The following DDAH1 variants were observed in gnomAD, a reference collection of about 807,000 sequenced individuals.
The protein encoded by DDAH1 is dimethylarginine dimethylaminohydrolase 1, also known as N(G),N(G)-dimethylarginine dimethylaminohydrolase 1.
In DDAH1, 19 loss-of-function variants were observed where a neutral mutation model predicts 28.8. The ratio of observed to expected loss-of-function variants is 0.66; its 90% CI spans 0.46 to 0.97. The LOEUF is 0.97. DDAH1 is among the 50% of genes least tolerant of loss of function. The pLI, the probability that DDAH1 is intolerant of heterozygous loss-of-function variation, is 0.00. For missense variants in DDAH1, 326 were observed against 375.9 expected, an observed-to-expected ratio of 0.87 and a Z score of 1.10; for synonymous variants, 153 against 154.4, an observed-to-expected ratio of 0.99 and a Z score of 0.07.
chr1:85,511,810 A>G (rs904216160), intron 1 of DDAH1, among the ~76,000 whole-genome samples: 2 of 152,228 alleles, frequency 1.3e-5, no homozygotes, highest in African/African-American at 4.8e-5. Context: ...AAGAAGTTGA[A>G]TCTCTGAATA....
At chr1:85,553,433 A>G (rs1658859749) in intron 1 of DDAH1, among the ~76,000 whole-genome samples, 1 of 152,238 alleles carries the variant, frequency 6.6e-6, no homozygotes, top group Non-Finnish European at 1.5e-5. Context: ...TTCAAGATTA[A>G]AACTTTTGGG....
chr1:85,545,240 G>A (rs1459262396), intron 1 of DDAH1, among the ~76,000 whole-genome samples: 1 of 152,130 alleles, frequency 6.6e-6, no homozygotes, highest in Non-Finnish European at 1.5e-5. Flanking sequence ...TCAAAGCACA[G>A]AGGGAGAAGC....
intron 4 of DDAH1, among the ~76,000 whole-genome samples, chr1:85,345,969 A>G (rs4949898): frequency 0.12 from 18,988 of 152,242 alleles, 1,531 homozygotes; most frequent in South Asian, 0.29. Context: ...TAAATATACA[A>G]TGCACACACT....
chr1:85,423,997 G>T (rs1287159401), intron 1 of DDAH1, among the ~76,000 whole-genome samples: 1 of 152,030 alleles, frequency 6.6e-6, no homozygotes, highest in Non-Finnish European at 1.5e-5. Flanking sequence ...TTCTTCTTTA[G>T]CCTGTTGATG....
intron 1 of DDAH1, among the ~76,000 whole-genome samples, chr1:85,531,082 G>A (rs1213361578): frequency 4.1e-5 from 6 of 146,248 alleles, no homozygotes; most frequent in Non-Finnish European, 9.0e-5. Flanking sequence ...AATAAAGAAA[G>A]TCATTTAATG....
intron 1 of DDAH1, 33 bp from the exon 2 acceptor site, chr1:85,358,880 C>T (rs1193098002): frequency 6.8e-7 from 1 of 1,475,330 alleles, no homozygotes; most frequent in South Asian, 1.2e-5. Context: ...GATTACTATG[C>T]TACAATTTCC....
intron 2 of DDAH1, among the ~76,000 whole-genome samples, chr1:85,487,836 T>C (rs2100724430): frequency 6.6e-6 from 1 of 152,222 alleles, no homozygotes; most frequent in East Asian, 1.9e-4. Flanking sequence ...CCCATTGCAG[T>C]ACACATTGGC....
chr1:85,329,739 G>A (rs558739489), intron 4 of DDAH1, among the ~76,000 whole-genome samples: 3 of 152,218 alleles, frequency 2.0e-5, no homozygotes, highest in South Asian at 2.1e-4. Flanking sequence ...AAGACTCCAC[G>A]GTTATCATTT....
intron 1 of DDAH1, among the ~76,000 whole-genome samples, chr1:85,378,965 T>TA (rs991574261): frequency 6.6e-6 from 1 of 152,168 alleles, no homozygotes; most frequent in African/African-American, 2.4e-5. Context: ...TTTTTACCTT[T>TA]ACCATTTCTA....
intron 1 of DDAH1, among the ~76,000 whole-genome samples, chr1:85,528,059 T>C (rs1269425755): frequency 2.6e-5 from 4 of 151,962 alleles, no homozygotes; most frequent in Non-Finnish European, 4.4e-5. Context: ...GTTATTTACA[T>C]TTTACCTTTA....
chr1:85,496,921 CG>C (rs1210349818), intron 1 of DDAH1, among the ~76,000 whole-genome samples: 1 of 152,098 alleles, frequency 6.6e-6, no homozygotes, highest in Admixed American at 6.6e-5. Context: ...TAATATAACA[CG>C]TACTATCTTC....
At chr1:85,331,354 T>G (rs1011108432) in intron 4 of DDAH1, among the ~76,000 whole-genome samples, 5 of 152,030 alleles carry the variant, frequency 3.3e-5, no homozygotes, top group African/African-American at 1.2e-4. Context: ...AAAAGGTAGT[T>G]AGAGATGTTT....
chr1:85,506,234 C>G (rs1376351090), intron 1 of DDAH1, among the ~76,000 whole-genome samples: 1 of 152,090 alleles, frequency 6.6e-6, no homozygotes, highest in Admixed American at 6.5e-5. Flanking sequence ...CAGATTTCAC[C>G]AGGAAAAGGA....
intron 1 of DDAH1, among the ~76,000 whole-genome samples, chr1:85,500,438 C>T (rs1185376759): frequency 1.3e-5 from 2 of 152,044 alleles, no homozygotes; most frequent in Non-Finnish European, 2.9e-5. Flanking sequence ...CATTATTGTT[C>T]CCCTGGGTCT....
intron 1 of DDAH1, among the ~76,000 whole-genome samples, chr1:85,460,976 A>G (rs949934796): frequency 6.6e-6 from 1 of 152,216 alleles, no homozygotes; most frequent in African/African-American, 2.4e-5. Context: ...TTGGCCAGGC[A>G]CAGTGGCTCG....
intron 1 of DDAH1, chr1:85,448,151 A>C (rs1369168899): frequency 6.6e-6 from 1 of 152,388 alleles, no homozygotes; most frequent in East Asian, 1.9e-4. Flanking sequence ...TGATTTTTTT[A>C]AGCTCATCAG....
At chr1:85,543,000 C>T (rs887822587) in intron 1 of DDAH1, among the ~76,000 whole-genome samples, 1 of 152,122 alleles carries the variant, frequency 6.6e-6, no homozygotes, top group Non-Finnish European at 1.5e-5. Flanking sequence ...GATCACATAG[C>T]CAGAAAGTGG....
At chr1:85,405,145 A>C (rs1652346017) in intron 1 of DDAH1, among the ~76,000 whole-genome samples, 1 of 152,142 alleles carries the variant, frequency 6.6e-6, no homozygotes, top group East Asian at 1.9e-4. Context: ...ACTTCATACT[A>C]CTGTATCCTA....
intron 1 of DDAH1, among the ~76,000 whole-genome samples, chr1:85,458,489 T>C (rs560995): frequency 0.95 from 138,855 of 146,240 alleles, 66,365 homozygotes; most frequent in East Asian, 1. Flanking sequence ...AGTGCAGTGG[T>C]GCTATCTCAT....
Sources: gnomAD v4.1 joint callset for allele counts (sites outside exome capture counted in the v4.1 genomes callset) on GRCh38, gnomAD v4.1.1 for gene constraint, MANE v1.5 for transcripts, NCBI Gene and HGNC (gene_info 2026-07-23, HGNC 2026-07-21) for gene names.